The following CNTN6 variants were observed in gnomAD, a reference collection of about 807,000 sequenced individuals.
The protein encoded by CNTN6 is contactin 6, also known as contactin-6.
A neutral mutation model predicts 122.8 loss-of-function variants in CNTN6; 137 were observed. The observed-to-expected ratio is 1.12, with a 90% CI of 0.97 to 1.29. The LOEUF (loss-of-function observed/expected upper bound fraction) is 1.29. CNTN6 is among the 50% of genes most tolerant of loss of function. The probability of loss-of-function intolerance (pLI) is 0.00; values close to 1 mark genes in which losing one functional copy is unlikely to be tolerated. For synonymous variants in CNTN6, 570 were observed against 426.0 expected (o/e 1.34, Z -4.16); for missense variants, 1,634 against 1,223.4 (o/e 1.34, Z -5.01).
At chr3:1,368,955 G>A (rs1271548500) in intron 12 of CNTN6, among the ~76,000 whole-genome samples, 1 of 152,134 alleles carries the variant, frequency 6.6e-6, no homozygotes, top group Non-Finnish European at 1.5e-5. Flanking sequence ...AATGACGTTT[G>A]TGGCTTATAT....
chr3:1,220,075 G>A (rs1319286747), intron 2 of CNTN6, among the ~76,000 whole-genome samples: 1 of 151,892 alleles, frequency 6.6e-6, no homozygotes, highest in Non-Finnish European at 1.5e-5. Flanking sequence ...TTTATTGGGG[G>A]CCAGACACAG....
chr3:1,325,422 A>G (rs17037710), intron 8 of CNTN6, among the ~76,000 whole-genome samples: 4,774 of 151,972 alleles, frequency 0.031, 125 homozygotes, highest in South Asian at 0.057. Context: ...TTTAGAGCAA[A>G]TATAATCAGT....
intron 2 of CNTN6, among the ~76,000 whole-genome samples, chr3:1,216,854 A>T (rs1412534136): frequency 6.6e-6 from 1 of 152,210 alleles, no homozygotes; most frequent in Non-Finnish European, 1.5e-5. Flanking sequence ...AACAATGGAG[A>T]GGGAATCAGG....
intron 12 of CNTN6, among the ~76,000 whole-genome samples, chr3:1,361,450 G>A (rs1293035468): frequency 1.3e-5 from 2 of 152,024 alleles, no homozygotes; most frequent in Non-Finnish European, 2.9e-5. Context: ...TAAGGTAAGG[G>A]TGCAATACTA....
intron 1 of CNTN6, among the ~76,000 whole-genome samples, chr3:1,120,320 A>T (rs2091901832): frequency 6.6e-6 from 1 of 151,940 alleles, no homozygotes; most frequent in Admixed American, 6.6e-5. Flanking sequence ...TCCTGCCAGC[A>T]ATATACGAAA....
chr3:1,099,218 G>A (rs531421080), intron 1 of CNTN6, among the ~76,000 whole-genome samples: 202 of 152,176 alleles, frequency 1.3e-3, no homozygotes, highest in Admixed American at 2.7e-3. Flanking sequence ...TTGGGAGGCC[G>A]AGGCGGGCGG....
At chr3:1,114,103 A>T (rs2091605563) in intron 1 of CNTN6, among the ~76,000 whole-genome samples, 1 of 152,214 alleles carries the variant, frequency 6.6e-6, no homozygotes, top group Non-Finnish European at 1.5e-5. Context: ...GGTGGCATTC[A>T]ACTAAAGAAT....
At chr3:1,202,165 T>C (rs1416036407) in intron 2 of CNTN6, among the ~76,000 whole-genome samples, 12 of 152,174 alleles carry the variant, frequency 7.9e-5, no homozygotes, top group Admixed American at 6.5e-4. Flanking sequence ...GTGAAAAACA[T>C]AGAAACATGT....
intron 20 of CNTN6, among the ~76,000 whole-genome samples, chr3:1,389,855 G>C (rs1693831260): frequency 6.6e-6 from 1 of 151,600 alleles, no homozygotes. Context: ...AACAAGAAGA[G>C]CTAACTATCC....
intron 7 of CNTN6, among the ~76,000 whole-genome samples, chr3:1,308,647 A>T (rs946286497): frequency 4.6e-5 from 7 of 151,972 alleles, no homozygotes; most frequent in African/African-American, 1.4e-4. Context: ...TCCGACTCTA[A>T]TCCATTACCA....
At chr3:1,227,556 C>T (rs1367351895) in intron 3 of CNTN6, among the ~76,000 whole-genome samples, 2 of 152,062 alleles carry the variant, frequency 1.3e-5, no homozygotes, top group African/African-American at 4.8e-5. Context: ...TTTTATTTCT[C>T]ATGTTGAGAG....
At chr3:1,095,772 TCA>T (rs2090495260) in intron 1 of CNTN6, among the ~76,000 whole-genome samples, 1 of 152,216 alleles carries the variant, frequency 6.6e-6, no homozygotes, top group African/African-American at 2.4e-5. Context: ...TGACTTGTCA[TCA>T]ACTCCACCCA....
intron 12 of CNTN6, among the ~76,000 whole-genome samples, chr3:1,368,547 A>G (rs1323754050): frequency 6.6e-6 from 1 of 152,200 alleles, no homozygotes; most frequent in East Asian, 1.9e-4. Flanking sequence ...ATCAAAAAGT[A>G]TTTGTGATCT....
chr3:1,263,132 G>C (rs1424420615), intron 4 of CNTN6, among the ~76,000 whole-genome samples: 4 of 151,872 alleles, frequency 2.6e-5, no homozygotes, highest in African/African-American at 9.7e-5. Flanking sequence ...CCTCTTTTCA[G>C]CAAATGTTCT....
chr3:1,112,077 G>T (rs2125021180), intron 1 of CNTN6, among the ~76,000 whole-genome samples: 1 of 152,194 alleles, frequency 6.6e-6, no homozygotes, highest in East Asian at 1.9e-4. Context: ...ATAAGCTGGG[G>T]AACCTCTGAA....
Position 1,373,618 on chromosome 3 carries a change from C to T in CNTN6, c.1801C>T (p.Pro601Ser), listed in dbSNP as rs200606677. 3 of 1,611,964 alleles carry T rather than the reference C, an allele frequency of 1.9e-6. No homozygotes were observed. Among genetic ancestry groups the T allele is most frequent in the Non-Finnish European group, 2.5e-6 (3 of 1,178,902 alleles). Residue 601 changes from proline (P) to serine (S), a missense_variant, in exon 15 of 23, where the codon CCT (proline) becomes TCT (serine). Transcript: ENST00000446702. ...TTTTTTTCAAGGTCCACCAGGTCCTCCTGAGGATGTGCAAGTGGAAGACAT... is the reference window on the plus strand; with the variant it reads ...TTTTTTTCAAGGTCCACCAGGTCCTTCTGAGGATGTGCAAGTGGAAGACAT... ...DIIVRGPPGP[P>S]EDVQVEDISS...
chr3:1,304,825 T>A (rs527574434), intron 7 of CNTN6, among the ~76,000 whole-genome samples: 5 of 151,562 alleles, frequency 3.3e-5, no homozygotes, highest in Non-Finnish European at 7.4e-5. Flanking sequence ...AACCCCCTTA[T>A]CTACAAAAAA....
At chr3:1,370,413 G>A (rs1708848096) in intron 12 of CNTN6, among the ~76,000 whole-genome samples, 1 of 151,866 alleles carries the variant, frequency 6.6e-6, no homozygotes, top group Non-Finnish European at 1.5e-5. Context: ...ACGAGTTAAT[G>A]GGTGCAGCAC....
chr3:1,269,467 T>C (rs966817807), intron 4 of CNTN6, among the ~76,000 whole-genome samples: 1 of 152,228 alleles, frequency 6.6e-6, no homozygotes, highest in African/African-American at 2.4e-5. Flanking sequence ...CATAATTGTG[T>C]TCTGTTTCTC....
Sources: gnomAD v4.1 joint callset for allele counts (sites outside exome capture counted in the v4.1 genomes callset) on GRCh38, gnomAD v4.1.1 for gene constraint, MANE v1.5 for transcripts, NCBI Gene and HGNC (gene_info 2026-07-23, HGNC 2026-07-21) for gene names.